Variants in PRR19 observed in about 807,000 individuals in gnomAD.
PRR19 encodes the protein proline-rich protein 19.
A neutral mutation model predicts 19.2 loss-of-function variants in PRR19; 9 were observed. The observed-to-expected ratio is 0.47, with a 90% CI of 0.28 to 0.82. The LOEUF is 0.82. Ranked by LOEUF, PRR19 falls within the 40% of genes least tolerant of loss-of-function variation. The pLI, the probability that PRR19 is intolerant of heterozygous loss-of-function variation, is 0.11. For missense variants in PRR19, 457 were observed against 466.0 expected, an observed-to-expected ratio of 0.98 and a Z score of 0.18; for synonymous variants, 190 against 191.0, an observed-to-expected ratio of 0.99 and a Z score of 0.04.
intron 1 of PRR19, among the ~76,000 whole-genome samples, chr19:42,306,764 G>A (rs973671904): frequency 6.6e-6 from 1 of 152,168 alleles, no homozygotes; most frequent in African/African-American, 2.4e-5. Flanking sequence ...GGAAGGGGGC[G>A]GACCTAGTGA....
At chr19:42,310,209 A>C (rs749595932) in intron 2 of PRR19, 24 bp downstream of exon 2, 2 of 1,613,290 alleles carry the variant, frequency 1.2e-6, no homozygotes, top group African/African-American at 1.3e-5. Context: ...CTGCCCCTGT[A>C]CTCCCCTTTC....
chr19:42,308,528 A>T (rs1444518434), intron 1 of PRR19, among the ~76,000 whole-genome samples: 3 of 150,604 alleles, frequency 2.0e-5, no homozygotes, highest in African/African-American at 7.3e-5. Context: ...CCTCCAGAGT[A>T]GCTGGGATTA....
chr19:42,304,677 G>A (rs1190705344), intron 1 of PRR19, among the ~76,000 whole-genome samples: 1 of 150,682 alleles, frequency 6.6e-6, no homozygotes, highest in East Asian at 2.0e-4. Flanking sequence ...GTGAACCTGG[G>A]AGGCAGAGCT....
chr19:42,305,848 C>A (rs941192575), intron 1 of PRR19, among the ~76,000 whole-genome samples: 11 of 152,158 alleles, frequency 7.2e-5, no homozygotes, highest in Non-Finnish European at 1.5e-4. Flanking sequence ...GCATTTAAAC[C>A]AAGCCTAGCT....
intron 1 of PRR19, among the ~76,000 whole-genome samples, chr19:42,307,737 C>A (rs2038728088): frequency 6.7e-6 from 1 of 148,986 alleles, no homozygotes; most frequent in Admixed American, 6.7e-5. Flanking sequence ...GCCTGGCCCC[C>A]ACCCTCCATC....
At chr19:42,303,927 G>A (rs148947332) in intron 1 of PRR19, among the ~76,000 whole-genome samples, 2 of 152,200 alleles carry the variant, frequency 1.3e-5, no homozygotes, top group African/African-American at 4.8e-5. Context: ...AGAAAGAAAA[G>A]ACACAGGTAA....
At position 42,309,768 on chromosome 19, in the gene PRR19, G is replaced by A. The variant is rs147433253; in HGVS notation, c.184G>A (p.Val62Met). 12 of 1,611,634 alleles carry A rather than the reference G, an allele frequency of 7.4e-6. No homozygotes were observed. In the African/African-American group the frequency reaches 1.1e-4, roughly 14 times the overall value. The part of the protein sequence containing the change: ...PPVVPTASKL[V>M]VITQGRLSRE... Reference sequence around the variant, plus strand: ...TGTGGTCCCTACTGCCTCCAAGCTCGTGGTCATAACCCAGGGCCGGCTGAG... The same window carrying A: ...TGTGGTCCCTACTGCCTCCAAGCTCATGGTCATAACCCAGGGCCGGCTGAG... Residue 62 changes from valine (V) to methionine (M), a missense_variant, in exon 2 of 3, where the codon GTG becomes ATG. Coordinates refer to ENST00000341747, the MANE Select transcript of PRR19 (RefSeq NM_199285.3).
In PRR19 at chr19:42,310,088, G is replaced by C. The variant is rs780975840; in HGVS notation, c.504G>C (p.Gln168His). The change falls in exon 2 of 3, where the codon CAG becomes CAC. Residue 168 changes from glutamine to histidine, a missense_variant. Physicochemically the swap from Gln to His is conservative, Grantham distance 24. Coordinates refer to ENST00000341747, the MANE Select transcript of PRR19 (RefSeq NM_199285.3). ...CCTTCCCCCGGAGGAACCTGATTCA[G>C]GATGCCAGGGATGCCATCGTGCACA... ...PQAFPRRNLI[Q>H]DARDAIVHTL... The C allele has an allele frequency of 6.2e-7, 1 of 1,614,082 alleles. No homozygotes were observed. The highest frequency in any genetic ancestry group is 8.5e-7 in the Non-Finnish European group (1 of 1,180,002).
intron 1 of PRR19, chr19:42,302,807 G>C (rs1361943678): frequency 5.2e-5 from 4 of 77,122 alleles, no homozygotes; most frequent in Non-Finnish European, 9.2e-5. Context: ...CTACTGTTGC[G>C]GGGGGGGGGG....
intron 1 of PRR19, 113 bp from the exon 2 acceptor site, chr19:42,309,466 A>C: frequency 1.3e-6 from 1 of 769,230 alleles, no homozygotes; most frequent in Non-Finnish European, 2.1e-6. Flanking sequence ...GCCTTGGCCT[A>C]CCCCAGTGTT....
At chr19:42,308,197 ATC>A (rs990010142) in intron 1 of PRR19, among the ~76,000 whole-genome samples, 13 of 151,378 alleles carry the variant, frequency 8.6e-5, no homozygotes, top group Admixed American at 7.3e-4. Context: ...ACCTTTTCCA[ATC>A]TCTCTCTGCT....
chr19:42,307,883 G>A (rs1599962604), intron 1 of PRR19, among the ~76,000 whole-genome samples: 2 of 146,766 alleles, frequency 1.4e-5, no homozygotes, highest in African/African-American at 5.1e-5. Context: ...TCAGCCTCCC[G>A]AGTAGCTGGG....
chr19:42,308,451 C>T (rs555923668), intron 1 of PRR19, among the ~76,000 whole-genome samples: 19 of 140,734 alleles, frequency 1.4e-4, no homozygotes, highest in African/African-American at 4.3e-4. Flanking sequence ...CAGGTTGAAG[C>T]GCAGTGGCGC....
At chr19:42,307,995 G>T (rs774213985) in intron 1 of PRR19, among the ~76,000 whole-genome samples, 1 of 151,248 alleles carries the variant, frequency 6.6e-6, no homozygotes. Flanking sequence ...CTGACCTGGT[G>T]ATCCGCCCGC....
chr19:42,307,747 C>CTTT (rs759101368), intron 1 of PRR19, among the ~76,000 whole-genome samples: 21 of 83,636 alleles, frequency 2.5e-4, no homozygotes, highest in Non-Finnish European at 4.0e-4. Flanking sequence ...CACCCTCCAT[C>CTTT]TTTTTTTTTT....
Position 42,302,532 on chromosome 19 carries a change from C to A in PRR19, c.-7+29C>A, listed in dbSNP as rs1402484495. 25 of 514,458 alleles carry A rather than the reference C, an allele frequency of 4.9e-5. No individual in the cohort carries two copies. The East Asian group carries it at 8.3e-4, about 17-fold the overall frequency. 31.9% of individuals were successfully genotyped at this position (514,458 alleles called of 1,614,324 possible). ...GGTGGAATCAGGAACCTTCGCTTCC[C>A]CCACGACGGCCGCACAGTGGGCTCG... On this transcript the variant is annotated intron_variant, in intron 1 of 2. Transcript: ENST00000341747.
chr19:42,303,506 G>C (rs1218849852), intron 1 of PRR19: 1 of 152,194 alleles, frequency 6.6e-6, no homozygotes, highest in African/African-American at 2.4e-5. Flanking sequence ...TCTGGGACCA[G>C]GTGGGGGGCT....
At position 42,303,067 on chromosome 19, in the gene PRR19, GTGTGTGTGTGT is replaced by G. The variant is rs2038665809; in HGVS notation, c.-7+565_-7+575del. On this transcript the variant is annotated intron_variant, in intron 1 of 2. Coordinates refer to ENST00000341747, the MANE Select transcript of PRR19 (RefSeq NM_199285.3). ...TTCCCCTACTCAAAACACCGTGGGT[GTGTGTGTGTGT>G]GTGTGTGTGTGTGTGTGTGTGTGTG... Among the ~76,000 whole-genome samples the G allele has an allele frequency of 5.1e-5, 6 of 118,708 alleles. No homozygotes were observed. In the South Asian group the frequency reaches 8.0e-4, roughly 16 times the overall value. 77.9% of individuals were successfully genotyped at this position (118,708 alleles called of 152,430 possible). A position where few individuals can be genotyped will look rare whatever the true frequency, so the allele number is the denominator to read the frequency against.
rs576305154 is a variant in PRR19, at chr19:42,309,701, A to G, written c.117A>G (p.Pro39=). The G allele has an allele frequency of 5.0e-6, 8 of 1,605,134 alleles. No individual in the cohort carries two copies. The highest frequency in any genetic ancestry group is 4.0e-5 in the African/African-American group (3 of 74,898). The part of the protein sequence containing the change: ...RNKALVGSRR[P]LAHHDPPVAI... ...AGGCCCTGGTGGGCAGCCGCCGGCC[A>G]TTAGCCCACCACGATCCTCCTGTGG... The change falls in exon 2 of 3, where the codon CCA becomes CCG. Residue 39 remains proline, a synonymous_variant. Coordinates refer to ENST00000341747, the MANE Select transcript of PRR19 (RefSeq NM_199285.3).
Sources: allele counts gnomAD v4.1 joint callset (sites outside exome capture counted in the v4.1 genomes callset), GRCh38; gene constraint gnomAD v4.1.1; transcripts MANE v1.5; gene names NCBI Gene and HGNC (gene_info 2026-07-23, HGNC 2026-07-21).